AMY2B: variants seen among roughly 807,000 people sequenced by gnomAD.
The protein encoded by AMY2B is alpha-amylase 2B.
AMY2B carries 63 observed loss-of-function variants against 59.3 expected under a neutral mutation model. That is an observed-to-expected ratio of 1.06 (90% confidence interval 0.87 to 1.31). The LOEUF is 1.31. Among genes scored for constraint, AMY2B ranks in the 50% most tolerant of loss-of-function variants. The pLI is 0.00. For synonymous variants in AMY2B, 180 were observed against 198.1 expected (o/e 0.91, Z 0.77); for missense variants, 635 against 626.7 (o/e 1.01, Z -0.14).
intron 1 of AMY2B, among the ~76,000 whole-genome samples, chr1:103,561,220 A>G (rs1651723353): frequency 6.6e-6 from 1 of 152,186 alleles, no homozygotes; most frequent in Non-Finnish European, 1.5e-5. Flanking sequence ...AAAAATGTAC[A>G]TGGTGAAGCA....
upstream of AMY2B, among the ~76,000 whole-genome samples, chr1:103,567,051 A>C (rs1434864326): frequency 6.6e-6 from 1 of 152,188 alleles, no homozygotes; most frequent in Non-Finnish European, 1.5e-5. Context: ...TGTTAATTAT[A>C]ATATACTTAC....
upstream of AMY2B, chr1:103,568,309 T>A (rs1344406418): frequency 1.3e-5 from 2 of 152,162 alleles, no homozygotes; most frequent in Non-Finnish European, 2.9e-5. Flanking sequence ...TTCACTTACA[T>A]TACATTAAGA....
chr1:103,569,639 A>G (rs1652042274), upstream of AMY2B: 2 of 400,078 alleles, frequency 5.0e-6, no homozygotes, highest in African/African-American at 2.1e-5. Flanking sequence ...ACCCCCAGCC[A>G]TGTTTCCTTC....
At chr1:103,567,127 C>A (rs1490733914), upstream of AMY2B, among the ~76,000 whole-genome samples, 1 of 152,050 alleles carries the variant, frequency 6.6e-6, no homozygotes, top group African/African-American at 2.4e-5. Flanking sequence ...GAGGAGCTAA[C>A]TATGCTTGAG....
rs555120744 is a variant in AMY2B, at chr1:103,579,114, G to A, written c.1347-197G>A. ...GGTAATATTTTCACTACGGACCAGG[G>A]AACTGCTACATTTTCTGTAAGGTTA... On this transcript the variant is annotated intron_variant, in intron 9 of 9. Coordinates refer to ENST00000684275, the MANE Select transcript of AMY2B (RefSeq NM_001387437.1). 2.0e-5 allele frequency among the ~76,000 whole-genome samples: 3 copies of A among 152,258 alleles called. No individual in the cohort carries two copies. In the South Asian group the frequency reaches 6.2e-4, roughly 32 times the overall value.
Position 103,577,552 on chromosome 1 carries a change from T to A in AMY2B, c.1164T>A (p.Asn388Lys). ...NNGVIKEVTI[N>K]PDTTCGNDWV... is the part of the protein sequence containing the mutation. ...GAGTAATTAAAGAAGTTACTATTAATCCAGACACTACTTGTGGCAATGACT... is the reference window on the plus strand; with the variant it reads ...GAGTAATTAAAGAAGTTACTATTAAACCAGACACTACTTGTGGCAATGACT... The change falls in exon 8 of 10, where the codon AAT becomes AAA. Residue 388 changes from asparagine to lysine, a missense_variant. Coordinates refer to ENST00000684275, the MANE Select transcript of AMY2B (RefSeq NM_001387437.1). 1 of 1,611,934 alleles carries A rather than the reference T, an allele frequency of 6.2e-7. No homozygotes were observed.
rs757077993 is a variant in AMY2B, at chr1:103,573,267, T to A, written c.513+7T>A. ...CTACAATGATGCTACTCAGGTAAAT[T>A]TTTTTATGAGAGTCATCTGAATAAG... On this transcript the variant is annotated splice_region_variant and intron_variant, in intron 3 of 9. Coordinates refer to ENST00000684275, the MANE Select transcript of AMY2B (RefSeq NM_001387437.1). The A allele has an allele frequency of 5.6e-6, 9 of 1,613,456 alleles. No individual in the cohort carries two copies. Among genetic ancestry groups the A allele is most frequent in the Admixed American group, 1.7e-5 (1 of 59,960 alleles).
chr1:103,571,676 G>T lies in AMY2B; in HGVS notation c.74G>T (p.Arg25Leu), dbSNP rs139632093. The T allele has an allele frequency of 6.2e-7, 1 of 1,611,872 alleles. No individual in the cohort carries two copies. The highest frequency in any genetic ancestry group is 1.7e-5 in the Admixed American group (1 of 60,012). The change falls in exon 1 of 10, where the codon CGG (arginine) becomes CTG (leucine). Residue 25 changes from arginine to leucine, a missense_variant. By Grantham distance (102) the Arg-to-Leu change is moderately radical. Transcript: ENST00000684275. ...AQYSPNTQQG[R>L]TSIVHLFEWR... ...TATTCCCCAAATACACAACAAGGACGGACATCTATTGTTCATCTGTTTGAA... is the reference window on the plus strand; with the variant it reads ...TATTCCCCAAATACACAACAAGGACTGACATCTATTGTTCATCTGTTTGAA...
intron 7 of AMY2B, chr1:103,575,747 C>A (rs1364881338): frequency 1.0e-4 from 68 of 647,778 alleles, no homozygotes; most frequent in Middle Eastern, 4.9e-4. Context: ...CCTTTTCAGA[C>A]ATATGATAAA....
chr1:103,576,118 A>C (rs1467592407), intron 7 of AMY2B, among the ~76,000 whole-genome samples: 5 of 152,188 alleles, frequency 3.3e-5, no homozygotes, highest in South Asian at 2.1e-4. Flanking sequence ...AAAGACATTT[A>C]TCTGATGAGT....
At chr1:103,559,492 C>T (rs61817707) in intron 1 of AMY2B, among the ~76,000 whole-genome samples, 2 of 152,124 alleles carry the variant, frequency 1.3e-5, no homozygotes, top group Non-Finnish European at 2.9e-5. Context: ...ACAGGCATAC[C>T]TTTGGCACTG....
At chr1:103,579,169 A>G (rs1176191810) in intron 9 of AMY2B, 142 bp from the exon 10 acceptor site, 1 of 1,526,540 alleles carries the variant, frequency 6.6e-7, no homozygotes, top group Admixed American at 2.1e-5. Context: ...ATTTACAACT[A>G]CTAGGGAGGC....
intron 7 of AMY2B, among the ~76,000 whole-genome samples, chr1:103,576,915 A>C (rs756552946): frequency 6.6e-5 from 10 of 152,196 alleles, no homozygotes; most frequent in South Asian, 2.1e-4. Context: ...CATTTCAATG[A>C]CATTGCATGG....
At chr1:103,556,287 A>C (rs1161917663) in intron 1 of AMY2B, among the ~76,000 whole-genome samples, 1 of 152,218 alleles carries the variant, frequency 6.6e-6, no homozygotes, top group Non-Finnish European at 1.5e-5. Context: ...ACAGAATTCA[A>C]TTTAACTAAA....
At chr1:103,563,693 A>T (rs1651811552) in intron 1 of AMY2B, among the ~76,000 whole-genome samples, 1 of 151,960 alleles carries the variant, frequency 6.6e-6, no homozygotes. Context: ...TCTGCAAATT[A>T]TCCCTTTTTT....
chr1:103,561,684 A>G (rs553537811), intron 1 of AMY2B: 2 of 152,122 alleles, frequency 1.3e-5, no homozygotes, highest in Admixed American at 1.3e-4. Context: ...TTATAAATAT[A>G]AATGGTTCAG....
chr1:103,558,792 A>G (rs1457693535), intron 1 of AMY2B, among the ~76,000 whole-genome samples: 1 of 151,506 alleles, frequency 6.6e-6, no homozygotes, highest in Non-Finnish European at 1.5e-5. Context: ...TGTCATTAAT[A>G]CATTTTTCCT....
chr1:103,565,373 GAA>G (rs1651874801), intron 1 of AMY2B: 1 of 152,130 alleles, frequency 6.6e-6, no homozygotes, highest in African/African-American at 2.4e-5. Context: ...AATAATGACA[GAA>G]AAGTCTATAT....
intron 2 of AMY2B, 78 bp downstream of exon 2, chr1:103,572,334 C>A: frequency 6.5e-7 from 1 of 1,546,072 alleles, no homozygotes. Context: ...TCCTTTTCAG[C>A]AGAAAGTTTT....
Sources: allele counts gnomAD v4.1 joint callset (sites outside exome capture counted in the v4.1 genomes callset), GRCh38; gene constraint gnomAD v4.1.1; transcripts MANE v1.5; gene names NCBI Gene and HGNC (gene_info 2026-07-23, HGNC 2026-07-21).